The following PLEKHB2 variants were observed in gnomAD, a reference collection of about 807,000 sequenced individuals.
PLEKHB2 encodes the protein pleckstrin homology domain containing B2, also known as pleckstrin homology domain-containing family B member 2.
In PLEKHB2, 31 loss-of-function variants were observed where a neutral mutation model predicts 36.5. The observed-to-expected ratio is 0.85, with a 90% confidence interval of 0.64 to 1.15. The LOEUF (loss-of-function observed/expected upper bound fraction) is 1.15. PLEKHB2 is among the 50% of genes most tolerant of loss of function. PLEKHB2 has a pLI of 0.00. For missense variants in PLEKHB2, 262 were observed against 295.3 expected (o/e 0.89, Z 0.83); for synonymous variants, 119 against 112.0 (o/e 1.06, Z -0.39).
chr2:131,138,155 T>G (rs1168288915), intron 6 of PLEKHB2, among the ~76,000 whole-genome samples: 2 of 151,996 alleles, frequency 1.3e-5, no homozygotes, highest in African/African-American at 4.8e-5. Context: ...TTCATTGAAC[T>G]ATTTAAATTG....
At position 131,120,051 on chromosome 2, in the gene PLEKHB2, C is replaced by T. The variant is rs886507697; in HGVS notation, c.-8-883C>T. Among the ~76,000 whole-genome samples the T allele has an allele frequency of 4.0e-5, 6 of 151,776 alleles. No homozygotes were observed. The South Asian group carries it at 1.2e-3, about 32-fold the overall frequency. ...TGGTGCAATCTCGGCTCACCGCATC[C>T]TCTGCCTCCTGGGTTCAAGCAGTTC... On this transcript the variant is annotated intron_variant, in intron 1 of 7. Coordinates refer to ENST00000693505, the MANE Select transcript of PLEKHB2 (RefSeq NM_001100623.2).
At position 131,146,936 on chromosome 2, in the gene PLEKHB2, G is replaced by A; in HGVS notation, c.*163G>A. 1 of 592,092 alleles carries A rather than the reference G, an allele frequency of 1.7e-6. No individual in the cohort carries two copies. The highest frequency in any genetic ancestry group is 2.8e-6 in the Non-Finnish European group (1 of 355,452). 36.7% of individuals were successfully genotyped at this position (592,092 alleles called of 1,614,324 possible). On this transcript the variant is annotated 3_prime_UTR_variant, in exon 8 of 8. Transcript: ENST00000693505. ...TACTAATCCACATAAGTACCACAGA[G>A]AAGGGTTTGAACTGTGCTATTTTGT... is the stretch of plus-strand genomic sequence containing the variant.
chr2:131,132,024 G>T (rs893344991), intron 5 of PLEKHB2, among the ~76,000 whole-genome samples: 1 of 152,022 alleles, frequency 6.6e-6, no homozygotes, highest in African/African-American at 2.4e-5. Flanking sequence ...AGTAGAGATG[G>T]GGTTTCATCA....
intron 4 of PLEKHB2, chr2:131,127,000 G>A (rs1378604587): frequency 4.0e-6 from 2 of 500,370 alleles, no homozygotes; most frequent in Non-Finnish European, 7.1e-6. Context: ...GGTGAAAATG[G>A]CAGAAAGGAA....
chr2:131,107,901 T>TG (rs1694898900), intron 1 of PLEKHB2: 1 of 152,300 alleles, frequency 6.6e-6, no homozygotes, highest in South Asian at 2.1e-4. Context: ...TGACCTCAGG[T>TG]GATCCGCCTG....
At chr2:131,136,038 T>C (rs1296839767) in intron 6 of PLEKHB2, among the ~76,000 whole-genome samples, 1 of 152,208 alleles carries the variant, frequency 6.6e-6, no homozygotes, top group Non-Finnish European at 1.5e-5. Context: ...TCATTAAGTA[T>C]GCTGTTAGCT....
At chr2:131,139,495 C>T (rs994550249) in intron 6 of PLEKHB2, among the ~76,000 whole-genome samples, 12 of 152,220 alleles carry the variant, frequency 7.9e-5, no homozygotes, top group Admixed American at 6.5e-4. Context: ...TGTCACAGAA[C>T]GACATTAGTT....
chr2:131,113,522 C>T (rs1391042851), intron 1 of PLEKHB2, among the ~76,000 whole-genome samples: 3 of 152,168 alleles, frequency 2.0e-5, no homozygotes, highest in East Asian at 1.9e-4. Flanking sequence ...GCTCTGTATT[C>T]CTATTTAAGA....
chr2:131,122,679 A>T (rs769831340), intron 2 of PLEKHB2, among the ~76,000 whole-genome samples: 1 of 152,226 alleles, frequency 6.6e-6, no homozygotes, highest in Non-Finnish European at 1.5e-5. Context: ...CAACACTGAC[A>T]TTATATGCAC....
At chr2:131,109,708 AAAAC>A (rs1695096398) in intron 1 of PLEKHB2, among the ~76,000 whole-genome samples, 1 of 151,956 alleles carries the variant, frequency 6.6e-6, no homozygotes, top group African/African-American at 2.4e-5. Flanking sequence ...ACAAACAAAA[AAAAC>A]AACCAAATAG....
rs1225292385 is a variant in PLEKHB2 at position 131,148,376 on chromosome 2, T to G, written c.*1603T>G. On this transcript the variant is annotated 3_prime_UTR_variant, in exon 8 of 8. Coordinates refer to ENST00000693505, the MANE Select transcript of PLEKHB2 (RefSeq NM_001100623.2). Reference sequence around the variant, plus strand: ...GAAATATTCATATTTCTGTTATTTCTTGTTTTCAAGCTCTGAATTATTGCA... The same window carrying G: ...GAAATATTCATATTTCTGTTATTTCGTGTTTTCAAGCTCTGAATTATTGCA... The G allele has an allele frequency of 6.6e-6, 1 of 152,228 alleles. No individual in the cohort carries two copies. The highest frequency in any genetic ancestry group is 6.5e-5 in the Admixed American group (1 of 15,284). 9.4% of individuals were successfully genotyped at this position (152,228 alleles called of 1,614,324 possible). A position where few individuals can be genotyped will look rare whatever the true frequency, so the allele number is the denominator to read the frequency against.
chr2:131,120,025 G>C (rs549869249), intron 1 of PLEKHB2, among the ~76,000 whole-genome samples: 116 of 150,366 alleles, frequency 7.7e-4, no homozygotes, highest in African/African-American at 2.7e-3. Context: ...CTGGAGTGCA[G>C]TGGTGCAATC....
intron 7 of PLEKHB2, among the ~76,000 whole-genome samples, chr2:131,143,082 T>C (rs946392860): frequency 6.6e-6 from 1 of 152,224 alleles, no homozygotes; most frequent in South Asian, 2.1e-4. Flanking sequence ...TTGATTATAA[T>C]AGGCTTTGTG....
chr2:131,130,128 C>T (rs942352833), intron 4 of PLEKHB2, among the ~76,000 whole-genome samples: 9 of 152,038 alleles, frequency 5.9e-5, no homozygotes, highest in Non-Finnish European at 1.2e-4. Context: ...ACTACAGCCT[C>T]GACCTCCCAG....
chr2:131,115,580 CTT>C (rs1695784084), intron 1 of PLEKHB2, among the ~76,000 whole-genome samples: 1 of 151,962 alleles, frequency 6.6e-6, no homozygotes, highest in African/African-American at 2.4e-5. Flanking sequence ...GTCTCGATCT[CTT>C]GATCTCGTGA....
chr2:131,108,105 A>G (rs1694918478), intron 1 of PLEKHB2: 2 of 152,236 alleles, frequency 1.3e-5, no homozygotes. Flanking sequence ...AATTTTGCTG[A>G]AGGTCATACT....
At chr2:131,141,919 C>A (rs1328029777) in intron 7 of PLEKHB2, among the ~76,000 whole-genome samples, 4 of 152,210 alleles carry the variant, frequency 2.6e-5, no homozygotes, top group Admixed American at 1.3e-4. Context: ...GTGAGCCATA[C>A]ATACATGTAA....
chr2:131,133,018 G>T (rs202186330), intron 6 of PLEKHB2, 27 bp downstream of exon 6: 416 of 1,563,878 alleles, frequency 2.7e-4, no homozygotes, highest in African/African-American at 1.1e-3. Flanking sequence ...GCCTCCAGGT[G>T]AGGGAAGTTT....
intron 2 of PLEKHB2, among the ~76,000 whole-genome samples, chr2:131,124,176 C>T (rs1371384390): frequency 6.6e-6 from 1 of 152,106 alleles, no homozygotes; most frequent in Non-Finnish European, 1.5e-5. Context: ...CTCAGGTAGT[C>T]AAGTGGATGC....
Sources: gnomAD v4.1 joint callset for allele counts (sites outside exome capture counted in the v4.1 genomes callset) on GRCh38, gnomAD v4.1.1 for gene constraint, MANE v1.5 for transcripts, NCBI Gene and HGNC (gene_info 2026-07-23, HGNC 2026-07-21) for gene names.